GRHL2: variants seen among roughly 807,000 people sequenced by gnomAD.
GRHL2 encodes grainyhead-like protein 2 homolog.
Under a neutral mutation model 83.8 loss-of-function variants are expected in GRHL2, and 21 were observed. That is an observed-to-expected ratio of 0.25 (90% CI 0.18 to 0.36). GRHL2 has a LOEUF of 0.36. Among genes scored for constraint, GRHL2 ranks in the 10% least tolerant of loss-of-function variants. GRHL2 has a pLI of 1.00. For synonymous variants in GRHL2, 280 were observed against 278.9 expected, an observed-to-expected ratio of 1.00 and a Z score of -0.04; for missense variants, 623 against 781.8, an observed-to-expected ratio of 0.80 and a Z score of 2.42.
intron 1 of GRHL2, among the ~76,000 whole-genome samples, chr8:101,514,674 A>G (rs1450042663): frequency 6.6e-6 from 1 of 152,182 alleles, no homozygotes; most frequent in Non-Finnish European, 1.5e-5. Flanking sequence ...GGTGCCTGCT[A>G]GTGGCTGCCA....
At chr8:101,666,353 C>T (rs146745415) in intron 15 of GRHL2, among the ~76,000 whole-genome samples, 3 of 152,092 alleles carry the variant, frequency 2.0e-5, no homozygotes, top group Admixed American at 6.5e-5. Flanking sequence ...ATAATGCAAG[C>T]GGTTTGGGTT....
At chr8:101,674,400 C>A (rs952013683), downstream of GRHL2, among the ~76,000 whole-genome samples, 12 of 152,112 alleles carry the variant, frequency 7.9e-5, no homozygotes, top group African/African-American at 2.9e-4. Context: ...CACAGAAATA[C>A]AAACTACCAT....
At chr8:101,660,362 C>T (rs900804014) in intron 14 of GRHL2, among the ~76,000 whole-genome samples, 1 of 152,152 alleles carries the variant, frequency 6.6e-6, no homozygotes, top group Non-Finnish European at 1.5e-5. Flanking sequence ...CCTCTTTTGC[C>T]TTGTTTGCAT....
chr8:101,511,974 A>G (rs546609450), intron 1 of GRHL2, among the ~76,000 whole-genome samples: 3 of 152,282 alleles, frequency 2.0e-5, no homozygotes, highest in African/African-American at 7.2e-5. Flanking sequence ...TCCAGCCTTT[A>G]TTATAGATTA....
At chr8:101,579,867 G>T (rs1812014472) in intron 7 of GRHL2, among the ~76,000 whole-genome samples, 2 of 152,206 alleles carry the variant, frequency 1.3e-5, no homozygotes, top group Non-Finnish European at 2.9e-5. Flanking sequence ...ATCATGGAGG[G>T]TTATCAGTGC....
At chr8:101,507,117 C>A (rs589919) in intron 1 of GRHL2, among the ~76,000 whole-genome samples, 149,822 of 152,314 alleles carry the variant, frequency 0.98, 73,768 homozygotes, top group Non-Finnish European at 1. Context: ...TTCATTTATT[C>A]AAAAATAAAT....
chr8:101,627,983 A>G (rs1331768662), intron 9 of GRHL2, among the ~76,000 whole-genome samples: 1 of 152,304 alleles, frequency 6.6e-6, no homozygotes, highest in East Asian at 1.9e-4. Context: ...ACATTCAAGC[A>G]AAGAAACCAT....
At chr8:101,578,807 A>G (rs1811985123) in intron 7 of GRHL2, among the ~76,000 whole-genome samples, 1 of 152,218 alleles carries the variant, frequency 6.6e-6, no homozygotes, top group African/African-American at 2.4e-5. Context: ...CACCCTGGCT[A>G]GGACTTCTTG....
intron 1 of GRHL2, among the ~76,000 whole-genome samples, chr8:101,504,086 A>G (rs1207274495): frequency 6.6e-6 from 1 of 152,204 alleles, no homozygotes; most frequent in Non-Finnish European, 1.5e-5. Flanking sequence ...AGAATAATAC[A>G]CACTTCTCTA....
In GRHL2 at chr8:101,631,633, T is replaced by C. The variant is rs762095371; in HGVS notation, c.1258-4T>C. The C allele has an allele frequency of 6.2e-7, 1 of 1,612,512 alleles. No homozygotes were observed. The highest frequency in any genetic ancestry group is 8.5e-7 in the Non-Finnish European group (1 of 1,178,872). ...ATTTTCTGTATTTGTTTTTTTCCTA[T>C]CAGGGAGCAGAAAGAAAAATCCGAG... On this transcript the variant is annotated splice_polypyrimidine_tract_variant and splice_region_variant and intron_variant, in intron 9 of 15. Coordinates refer to ENST00000646743, the MANE Select transcript of GRHL2 (RefSeq NM_024915.4).
chr8:101,609,856 G>A (rs547509332), intron 8 of GRHL2, among the ~76,000 whole-genome samples: 1 of 151,162 alleles, frequency 6.6e-6, no homozygotes, highest in Non-Finnish European at 1.5e-5. Context: ...TTACCCTTCT[G>A]TGCCTTTTGG....
At chr8:101,673,385 A>T (rs1027129655), downstream of GRHL2, among the ~76,000 whole-genome samples, 41 of 152,248 alleles carry the variant, frequency 2.7e-4, no homozygotes, top group African/African-American at 9.2e-4. Flanking sequence ...AAACAAAAAA[A>T]GGCAGGGGTT....
chr8:101,525,585 G>A (rs1269138273), intron 1 of GRHL2, among the ~76,000 whole-genome samples: 1 of 151,664 alleles, frequency 6.6e-6, no homozygotes, highest in Non-Finnish European at 1.5e-5. Flanking sequence ...TGAATTCCTG[G>A]ATTCAAGCCA....
chr8:101,621,824 G>A (rs2032118), intron 9 of GRHL2, among the ~76,000 whole-genome samples: 47,541 of 151,952 alleles, frequency 0.31, 7,805 homozygotes, highest in African/African-American at 0.41. Flanking sequence ...CTTGAGTCCA[G>A]GAGTTTGAGG....
At chr8:101,570,744 C>T (rs1811804775) in intron 5 of GRHL2, among the ~76,000 whole-genome samples, 1 of 152,088 alleles carries the variant, frequency 6.6e-6, no homozygotes, top group Non-Finnish European at 1.5e-5. Flanking sequence ...ACCTGGTGTT[C>T]TGCTTTTATT....
At chr8:101,542,614 A>G (rs193224292) in intron 1 of GRHL2, among the ~76,000 whole-genome samples, 6 of 152,212 alleles carry the variant, frequency 3.9e-5, no homozygotes, top group Admixed American at 3.9e-4. Flanking sequence ...GACTGGATAC[A>G]GAGCTCTGAG....
intron 1 of GRHL2, among the ~76,000 whole-genome samples, chr8:101,522,721 T>TTATACATATACATATACATATACA (rs149418092): frequency 0.048 from 7,123 of 149,610 alleles, 184 homozygotes; most frequent in African/African-American, 0.054. Flanking sequence ...ACAAGTATGT[T>TTATACATATACATATACATATACA]TATACATATA....
intron 14 of GRHL2, among the ~76,000 whole-genome samples, chr8:101,651,368 G>A (rs1251031141): frequency 1.3e-5 from 2 of 152,234 alleles, no homozygotes; most frequent in Non-Finnish European, 2.9e-5. Flanking sequence ...GGTAGATCAG[G>A]GAAGGGAGGA....
rs1811874307 is a variant in GRHL2 at position 101,573,716 on chromosome 8, G to A, written c.783G>A (p.Lys261=). ...TLEATKSLRQ[K]QGEGPMTYLN... ...AAGCCACCAAATCTCTCCGTCAGAA[G>A]CAGGGGGAGGGCCCCATGACCTACC... Residue 261 remains lysine (K), a synonymous_variant, in exon 6 of 16, where the codon AAG becomes AAA. Coordinates refer to ENST00000646743, the MANE Select transcript of GRHL2 (RefSeq NM_024915.4). 6.2e-7 allele frequency: 1 copy of A among 1,614,174 alleles called. No individual in the cohort carries two copies. The highest frequency in any genetic ancestry group is 2.2e-5 in the East Asian group (1 of 44,886).
Sources: gnomAD v4.1 joint callset for allele counts (sites outside exome capture counted in the v4.1 genomes callset) on GRCh38, gnomAD v4.1.1 for gene constraint, MANE v1.5 for transcripts, NCBI Gene and HGNC (gene_info 2026-07-23, HGNC 2026-07-21) for gene names.